Variants in SEMA3D observed in about 807,000 individuals in gnomAD.
SEMA3D encodes semaphorin-3D.
Under a neutral mutation model 100.1 loss-of-function variants are expected in SEMA3D, and 84 were observed. The observed-to-expected ratio is 0.84, with a 90% CI of 0.70 to 1.01. The LOEUF is 1.01. SEMA3D is among the 50% of genes least tolerant of loss of function. The pLI is 0.00. For synonymous variants in SEMA3D, 312 were observed against 320.7 expected, an observed-to-expected ratio of 0.97 and a Z score of 0.29; for missense variants, 875 against 934.1, an observed-to-expected ratio of 0.94 and a Z score of 0.82.
At chr7:85,138,639 T>A (rs1789936618) in intron 2 of SEMA3D, among the ~76,000 whole-genome samples, 1 of 115,444 alleles carries the variant, frequency 8.7e-6, no homozygotes, top group African/African-American at 4.1e-5. Context: ...TAAATTAAAT[T>A]ATATATATTT....
intron 9 of SEMA3D, among the ~76,000 whole-genome samples, chr7:85,048,396 AG>A (rs1791067238): frequency 6.6e-6 from 1 of 151,810 alleles, no homozygotes; most frequent in Non-Finnish European, 1.5e-5. Context: ...ATCCAAACTC[AG>A]GGTGGTCTAT....
the SEMA3D span, among the ~76,000 whole-genome samples, chr7:85,220,902 C>G: frequency 6.6e-6 from 1 of 152,176 alleles, no homozygotes; most frequent in South Asian, 2.1e-4. Flanking sequence ...TCATGTTGCA[C>G]AAAATGCAGG....
At chr7:85,017,803 T>C (rs1790145861) in intron 15 of SEMA3D, among the ~76,000 whole-genome samples, 1 of 151,828 alleles carries the variant, frequency 6.6e-6, no homozygotes. Flanking sequence ...GTGGATATTG[T>C]TTTTCTAACT....
chr7:85,245,673 T>C, the SEMA3D span, among the ~76,000 whole-genome samples: 335 of 152,300 alleles, frequency 2.2e-3, 1 homozygote, highest in African/African-American at 7.7e-3. Context: ...CGATTAAATA[T>C]GTGAGTAATT....
At chr7:85,001,021 T>C (rs1789640651) in intron 18 of SEMA3D, among the ~76,000 whole-genome samples, 1 of 152,204 alleles carries the variant, frequency 6.6e-6, no homozygotes, top group African/African-American at 2.4e-5. Context: ...GGGTGGATTG[T>C]ACTCTGCATC....
At chr7:85,242,206 C>A in the SEMA3D span, among the ~76,000 whole-genome samples, 39 of 152,088 alleles carry the variant, frequency 2.6e-4, no homozygotes, top group Admixed American at 2.3e-3. Context: ...TATTTATCTT[C>A]TTCGGCTTAC....
At chr7:85,208,770 C>A in the SEMA3D span, among the ~76,000 whole-genome samples, 1 of 152,038 alleles carries the variant, frequency 6.6e-6, no homozygotes, top group African/African-American at 2.4e-5. Flanking sequence ...TAAGTTAAGG[C>A]AGGTATGAGC....
intron 12 of SEMA3D, chr7:85,028,346 A>C: frequency 1.6e-6 from 1 of 644,420 alleles, no homozygotes; most frequent in Non-Finnish European, 2.8e-6. Context: ...TGGAATTATC[A>C]ATGTGCCAAT....
In SEMA3D at chr7:85,163,101, A is replaced by G. The variant is rs1016521663; in HGVS notation, c.-172-9362T>C. On this transcript the variant is annotated intron_variant, in intron 1 of 18. Transcript: ENST00000284136. Reference sequence around the variant, plus strand: ...AAGATTAGAAAGTAAAACAGAATACAAAGAAAAGAAAAAAAAAGGCACTTG... The same window carrying G: ...AAGATTAGAAAGTAAAACAGAATACGAAGAAAAGAAAAAAAAAGGCACTTG... The G allele has an allele frequency of 8.0e-6, 4 of 500,562 alleles. No homozygotes were observed. The African/African-American group carries it at 8.4e-5, about 10-fold the overall frequency. The allele number at this position is 500,562 out of a possible 1,614,324, so 31.0% of individuals were successfully genotyped here.
chr7:85,071,316 G>GCCACAAAATAA (rs1214563037), intron 6 of SEMA3D, among the ~76,000 whole-genome samples: 37 of 152,156 alleles, frequency 2.4e-4, no homozygotes, highest in Non-Finnish European at 5.0e-4. Context: ...TTAACTGTCA[G>GCCACAAAATAA]GGTTGCTTTA....
intron 2 of SEMA3D, among the ~76,000 whole-genome samples, chr7:85,151,005 A>G (rs964915342): frequency 6.6e-5 from 10 of 152,028 alleles, no homozygotes; most frequent in Non-Finnish European, 1.3e-4. Context: ...AGCTTAACCT[A>G]TTTAAAAGCT....
the SEMA3D span, among the ~76,000 whole-genome samples, chr7:85,240,973 A>T: frequency 2.6e-5 from 4 of 152,138 alleles, no homozygotes; most frequent in African/African-American, 9.7e-5. Context: ...TATCAAGAAA[A>T]AAACAAACAA....
At chr7:85,194,169 T>C in the SEMA3D span, among the ~76,000 whole-genome samples, 1 of 152,316 alleles carries the variant, frequency 6.6e-6, no homozygotes, top group South Asian at 2.1e-4. Context: ...TTTTATTTCT[T>C]CTTTACCTAT....
intron 17 of SEMA3D, among the ~76,000 whole-genome samples, chr7:85,010,958 CAG>C (rs1789935103): frequency 6.6e-6 from 1 of 151,690 alleles, no homozygotes; most frequent in Non-Finnish European, 1.5e-5. Context: ...TAAGAACACT[CAG>C]AAGGCAGTCT....
At chr7:85,226,795 T>C in the SEMA3D span, among the ~76,000 whole-genome samples, 1 of 152,186 alleles carries the variant, frequency 6.6e-6, no homozygotes, top group Non-Finnish European at 1.5e-5. Context: ...GCCTGCTTTA[T>C]GGAATAGAAA....
At chr7:85,158,771 C>A (rs890937345) in intron 1 of SEMA3D, among the ~76,000 whole-genome samples, 9 of 152,080 alleles carry the variant, frequency 5.9e-5, no homozygotes, top group Non-Finnish European at 1.0e-4. Flanking sequence ...GGACACTCAG[C>A]TTTAAAATTT....
chr7:85,173,419 C>T (rs531973269), intron 1 of SEMA3D, among the ~76,000 whole-genome samples: 5 of 152,202 alleles, frequency 3.3e-5, no homozygotes, highest in African/African-American at 1.2e-4. Context: ...GTAGCATGAT[C>T]TATTGCACTG....
intron 5 of SEMA3D, among the ~76,000 whole-genome samples, chr7:85,074,919 C>A (rs998380632): frequency 8.6e-5 from 13 of 151,594 alleles, no homozygotes; most frequent in Non-Finnish European, 1.9e-4. Flanking sequence ...CATGGCAGGC[C>A]GATACTAATA....
chr7:85,029,103 G>T, intron 12 of SEMA3D: 1 of 586,994 alleles, frequency 1.7e-6, no homozygotes, highest in South Asian at 1.7e-5. Flanking sequence ...GGCAGACACA[G>T]ACCTTCACTA....
Sources: allele counts gnomAD v4.1 joint callset (sites outside exome capture counted in the v4.1 genomes callset), GRCh38; gene constraint gnomAD v4.1.1; transcripts MANE v1.5; gene names NCBI Gene and HGNC (gene_info 2026-07-23, HGNC 2026-07-21).